DMD: variants seen among roughly 807,000 people sequenced by gnomAD.
DMD encodes dystrophin.
A neutral mutation model predicts 330.1 loss-of-function variants in DMD; 63 were observed. The ratio of observed to expected loss-of-function variants is 0.19; its 90% CI spans 0.16 to 0.24. The LOEUF is 0.24. Among genes scored for constraint, DMD ranks in the 10% least tolerant of loss-of-function variants. DMD has a pLI of 1.00. For missense variants in DMD, 3,344 were observed against 2,684.1 expected (o/e 1.25, Z -5.43); for synonymous variants, 1,223 against 959.8 (o/e 1.27, Z -5.07).
At chrX:32,007,083 G>T (rs1342875900) in intron 44 of DMD, among the ~76,000 whole-genome samples, 3 of 70,062 alleles carry the variant, frequency 4.3e-5, no homozygotes, top group Admixed American at 1.7e-4. Context: ...TGGGGGGAGG[G>T]GGGGAGGGAT....
intron 7 of DMD, among the ~76,000 whole-genome samples, chrX:32,726,144 G>A (rs1369223816): frequency 1.8e-5 from 2 of 110,988 alleles, no homozygotes; most frequent in Non-Finnish European, 3.8e-5. Flanking sequence ...TTCTATGGAG[G>A]CAATGACACT....
intron 1 of DMD, among the ~76,000 whole-genome samples, chrX:33,258,367 A>T (rs1256195646): frequency 9.0e-6 from 1 of 111,377 alleles, no homozygotes; most frequent in Non-Finnish European, 1.9e-5. Flanking sequence ...AAATATTTTC[A>T]CACAGTTACC....
intron 51 of DMD, among the ~76,000 whole-genome samples, chrX:31,769,340 A>G (rs762067611): frequency 1.3e-3 from 151 of 112,430 alleles, no homozygotes; most frequent in African/African-American, 4.8e-3. Flanking sequence ...TTTCCTTATC[A>G]CATTGCATTC....
chrX:32,819,005 GTTTTTTT>G lies in DMD; in HGVS notation c.358-2372_358-2366del, dbSNP rs55923814. On this transcript the variant is annotated intron_variant, in intron 5 of 78. Transcript: ENST00000357033. ...CTGTCACCTCTGCCCTTCTACAGGT[GTTTTTTT>G]TTTTTTTTTTTTTTCCAGGGCATGG... 2.4e-3 allele frequency among the ~76,000 whole-genome samples: 170 copies of G among 69,836 alleles called. 1 individual carries two copies. In the East Asian group the frequency reaches 0.03, roughly 12 times the overall value. The allele number at this position is 69,836 out of a possible 115,157, so 60.6% of individuals were successfully genotyped here. A position where few individuals can be genotyped will look rare whatever the true frequency, so the allele number is the denominator to read the frequency against.
intron 1 of DMD, among the ~76,000 whole-genome samples, chrX:33,150,033 A>G (rs1272396111): frequency 8.9e-6 from 1 of 111,807 alleles, no homozygotes; most frequent in African/African-American, 3.3e-5. Context: ...TAATTTGATG[A>G]TACATGACTA....
At chrX:33,008,784 C>CTATATATACGTATATATACG (rs1241074749) in intron 2 of DMD, among the ~76,000 whole-genome samples, 1 of 35,982 alleles carries the variant, frequency 2.8e-5, no homozygotes, top group Non-Finnish European at 5.3e-5. Flanking sequence ...CCTAAAACAA[C>CTATATATACGTATATATACG]TATATATACG....
At chrX:31,517,122 C>T (rs5971577) in intron 55 of DMD, among the ~76,000 whole-genome samples, 28,996 of 110,404 alleles carry the variant, frequency 0.26, 3,293 homozygotes, top group African/African-American at 0.43. Context: ...GCAAAAATTC[C>T]CGAATATTTA....
At chrX:31,692,904 G>T (rs2083216484) in intron 52 of DMD, among the ~76,000 whole-genome samples, 1 of 111,423 alleles carries the variant, frequency 9.0e-6, no homozygotes, top group Non-Finnish European at 1.9e-5. Context: ...AAGAGGAAGG[G>T]ATTCGTCCAA....
Position 32,441,277 on chromosome X carries a change from A to C in DMD, c.3824T>G (p.Leu1275Trp), listed in dbSNP as rs770934386. 3 of 1,208,924 alleles carry C rather than the reference A, an allele frequency of 2.5e-6. No homozygotes were observed. The highest frequency in any genetic ancestry group is 2.3e-4 in the Middle Eastern group (1 of 4,338). The change falls in exon 28 of 79, where the codon TTG becomes TGG. Residue 1275 changes from leucine (L) to tryptophan (W), a missense_variant. Transcript: ENST00000357033. ...WACWHELLSY[L>W]EKANKWLNEV... ...ATTTAGCCACTTGTTTGCTTTCTCC[A>C]AGTATGACAATAACTCATGCCAACA... is the stretch of plus-strand genomic sequence containing the variant.
intron 43 of DMD, among the ~76,000 whole-genome samples, chrX:32,232,736 G>T (rs771953020): frequency 2.7e-5 from 3 of 111,989 alleles, no homozygotes; most frequent in African/African-American, 9.7e-5. Flanking sequence ...GAAGGCACAT[G>T]TCTAAACCTG....
chrX:31,956,210 G>A (rs781738057), intron 45 of DMD, among the ~76,000 whole-genome samples: 16 of 111,865 alleles, frequency 1.4e-4, no homozygotes, highest in Non-Finnish European at 2.6e-4. Flanking sequence ...GAGACAGAAG[G>A]GATCTGGATC....
intron 30 of DMD, among the ~76,000 whole-genome samples, chrX:32,393,751 A>G (rs1603632421): frequency 9.0e-6 from 1 of 111,442 alleles, no homozygotes; most frequent in East Asian, 2.8e-4. Flanking sequence ...AAATAAAGAG[A>G]AAGAACAGTC....
chrX:32,870,979 A>AAAAAAAAAAG (rs2082929134), intron 2 of DMD, among the ~76,000 whole-genome samples: 2 of 83,809 alleles, frequency 2.4e-5, no homozygotes, highest in East Asian at 7.0e-4. Context: ...AAAAAAAAAA[A>AAAAAAAAAAG]AAAAAAAAAC....
intron 9 of DMD, among the ~76,000 whole-genome samples, chrX:32,692,673 C>T (rs111819488): frequency 0.049 from 5,427 of 111,800 alleles, 300 homozygotes; most frequent in African/African-American, 0.17. Context: ...AAAGGATATC[C>T]TTTTCCTTAG....
chrX:33,195,059 C>T (rs1189159596), intron 1 of DMD, among the ~76,000 whole-genome samples: 1 of 111,205 alleles, frequency 9.0e-6, no homozygotes, highest in African/African-American at 3.3e-5. Flanking sequence ...GTATGGGGCT[C>T]CATGCTTGTG....
intron 1 of DMD, among the ~76,000 whole-genome samples, chrX:33,049,985 AAT>A (rs2094437523): frequency 8.9e-6 from 1 of 111,989 alleles, no homozygotes; most frequent in Non-Finnish European, 1.9e-5. Flanking sequence ...TTTAAGTAGA[AAT>A]TAAAATAGAA....
chrX:31,540,548 G>A (rs747561223), intron 55 of DMD, among the ~76,000 whole-genome samples: 11 of 112,115 alleles, frequency 9.8e-5, no homozygotes, highest in African/African-American at 3.2e-4. Flanking sequence ...AACACTGAGC[G>A]TAGCAAAAGG....
At chrX:31,631,635 C>G (rs1457561559) in intron 54 of DMD, among the ~76,000 whole-genome samples, 2 of 111,512 alleles carry the variant, frequency 1.8e-5, no homozygotes, top group African/African-American at 6.5e-5. Context: ...TCCTTTCCTC[C>G]GCTCACAGGT....
At chrX:31,459,611 A>T (rs2066408722) in intron 59 of DMD, among the ~76,000 whole-genome samples, 1 of 111,949 alleles carries the variant, frequency 8.9e-6, no homozygotes, top group Non-Finnish European at 1.9e-5. Context: ...TGTGTTTCGA[A>T]ACAGGACTGG....
Sources: gnomAD v4.1 joint callset for allele counts (sites outside exome capture counted in the v4.1 genomes callset) on GRCh38, gnomAD v4.1.1 for gene constraint, MANE v1.5 for transcripts, NCBI Gene and HGNC (gene_info 2026-07-23, HGNC 2026-07-21) for gene names.